PGBD5: variants seen among roughly 807,000 people sequenced by gnomAD.
The protein encoded by PGBD5 is piggyBac transposable element-derived protein 5.
In PGBD5, 14 loss-of-function variants were observed where a neutral mutation model predicts 47.9. That is an observed-to-expected ratio of 0.29 (90% confidence interval 0.19 to 0.46). The LOEUF is 0.46. Among genes scored for constraint, PGBD5 ranks in the 20% least tolerant of loss-of-function variants. PGBD5 has a pLI of 1.00. For synonymous variants in PGBD5, 316 were observed against 306.3 expected, an observed-to-expected ratio of 1.03 and a Z score of -0.33; for missense variants, 635 against 716.0, an observed-to-expected ratio of 0.89 and a Z score of 1.29.
intron 5 of PGBD5, among the ~76,000 whole-genome samples, chr1:230,329,316 A>C (rs902239137): frequency 1.4e-4 from 22 of 152,216 alleles, no homozygotes; most frequent in African/African-American, 5.1e-4. Context: ...TGTGACAAAA[A>C]GGTTCATGAT....
At chr1:230,340,059 G>A (rs1335662902) in intron 3 of PGBD5, among the ~76,000 whole-genome samples, 1 of 152,114 alleles carries the variant, frequency 6.6e-6, no homozygotes, top group Non-Finnish European at 1.5e-5. Flanking sequence ...GGCCATTTCA[G>A]TGTCTACATA....
chr1:230,387,887 G>A (rs1241152467), intron 1 of PGBD5, among the ~76,000 whole-genome samples: 2 of 152,168 alleles, frequency 1.3e-5, no homozygotes, highest in African/African-American at 2.4e-5. Context: ...GGAATACGCC[G>A]TAGGGTTACA....
At chr1:230,396,612 G>C (rs1656987229) in intron 1 of PGBD5, among the ~76,000 whole-genome samples, 1 of 128,726 alleles carries the variant, frequency 7.8e-6, no homozygotes, top group Admixed American at 9.2e-5. Flanking sequence ...CTGAACATGA[G>C]ACCACACTCA....
chr1:230,362,498 CTTCAT>C, intron 1 of PGBD5: 1 of 1,177,362 alleles, frequency 8.5e-7, no homozygotes. Context: ...GGGGCTCCAG[CTTCAT>C]GAAGCATCAC....
At chr1:230,326,587 G>A (rs1667121225) in intron 5 of PGBD5, among the ~76,000 whole-genome samples, 1 of 152,074 alleles carries the variant, frequency 6.6e-6, no homozygotes, top group South Asian at 2.1e-4. Flanking sequence ...GCCACCCAAG[G>A]AGCTGGGATC....
intron 5 of PGBD5, among the ~76,000 whole-genome samples, chr1:230,330,661 C>T (rs11810698): frequency 6.8e-4 from 103 of 152,314 alleles, no homozygotes; most frequent in African/African-American, 2.4e-3. Flanking sequence ...CCACCTGAAG[C>T]ACCCACCTGA....
chr1:230,355,437 C>A (rs892609113), intron 2 of PGBD5, among the ~76,000 whole-genome samples: 1 of 152,222 alleles, frequency 6.6e-6, no homozygotes, highest in Non-Finnish European at 1.5e-5. Flanking sequence ...AAATGTTTGA[C>A]CCCAGCATGG....
At chr1:230,388,478 C>T (rs1399406143) in intron 1 of PGBD5, among the ~76,000 whole-genome samples, 7 of 150,442 alleles carry the variant, frequency 4.7e-5, no homozygotes, top group East Asian at 3.9e-4. Context: ...TGCAGTGGCA[C>T]GATGTCAGCT....
intron 5 of PGBD5, among the ~76,000 whole-genome samples, chr1:230,331,406 A>G (rs1460006938): frequency 6.6e-6 from 1 of 152,122 alleles, no homozygotes; most frequent in African/African-American, 2.4e-5. Context: ...ACAGAGCAAC[A>G]CCCTGTCCCA....
chr1:230,335,918 CAG>C (rs1667317790), intron 4 of PGBD5, among the ~76,000 whole-genome samples: 1 of 151,448 alleles, frequency 6.6e-6, no homozygotes, highest in Non-Finnish European at 1.5e-5. Context: ...CACAAAGACA[CAG>C]ACACAGACAC....
At chr1:230,365,291 CGACA>C (rs1323470324) in intron 1 of PGBD5, among the ~76,000 whole-genome samples, 261 of 140,258 alleles carry the variant, frequency 1.9e-3, no homozygotes, top group Non-Finnish European at 2.8e-3. Context: ...CCAGCCTGGG[CGACA>C]GAAAGAGACT....
chr1:230,370,649 G>A (rs1667914695), intron 1 of PGBD5, among the ~76,000 whole-genome samples: 1 of 152,172 alleles, frequency 6.6e-6, no homozygotes. Flanking sequence ...CCTCTAATGA[G>A]GTCACAGAAC....
In PGBD5 at chr1:230,315,813, TGC is replaced by T. The variant is rs1666927673; in HGVS notation, c.*7610_*7611del. On this transcript the variant is annotated 3_prime_UTR_variant, in exon 7 of 7. Coordinates refer to ENST00000391860, the MANE Select transcript of PGBD5 (RefSeq NM_001258311.2). The stretch of plus-strand genomic sequence containing the variant: ...ATATATGTATACATATATGTATATG[TGC>T]ATACATATAGAGGTATACATATAGA... 1 of 134,364 alleles carries T rather than the reference TGC, an allele frequency of 7.4e-6. No homozygotes were observed. Among genetic ancestry groups the T allele is most frequent in the Non-Finnish European group, 1.7e-5 (1 of 60,340 alleles). 8.3% of individuals were successfully genotyped at this position (134,364 alleles called of 1,614,324 possible).
chr1:230,420,410 G>A (rs1370229941), intron 1 of PGBD5, among the ~76,000 whole-genome samples: 1 of 152,198 alleles, frequency 6.6e-6, no homozygotes, highest in East Asian at 1.9e-4. Context: ...GGAAAAGGAA[G>A]GTAATTTGAT....
At chr1:230,409,276 C>G (rs1657365666) in intron 1 of PGBD5, among the ~76,000 whole-genome samples, 1 of 152,182 alleles carries the variant, frequency 6.6e-6, no homozygotes. Context: ...TAAAATGGTA[C>G]AGTCACTTTG....
At chr1:230,340,113 T>C (rs1667388224) in intron 3 of PGBD5, among the ~76,000 whole-genome samples, 1 of 152,236 alleles carries the variant, frequency 6.6e-6, no homozygotes, top group South Asian at 2.1e-4. Context: ...TATTTTTATT[T>C]GTCAATTAAA....
chr1:230,331,632 T>C (rs1667217000), intron 5 of PGBD5, among the ~76,000 whole-genome samples: 2 of 151,940 alleles, frequency 1.3e-5, no homozygotes, highest in Admixed American at 6.6e-5. Context: ...CCTCTTCCTC[T>C]TTCTTCTTCG....
At position 230,323,772 on chromosome 1, in the gene PGBD5, G is replaced by T; in HGVS notation, c.1380-152C>A. 1.5e-6 allele frequency: 1 copy of T among 681,444 alleles called. No homozygotes were observed. Among genetic ancestry groups the T allele is most frequent in the Non-Finnish European group, 2.4e-6 (1 of 409,282 alleles). The allele number at this position is 681,444 out of a possible 1,614,324, so 42.2% of individuals were successfully genotyped here. A position where few individuals can be genotyped will look rare whatever the true frequency, so the allele number is the denominator to read the frequency against. ...CTATGGGGGCAGGAGTCAGGCTTGG[G>T]ATGTTAGGTGAGTTCCAGCTGGGGG... On this transcript the variant is annotated intron_variant, in intron 6 of 6. Coordinates refer to ENST00000391860, the MANE Select transcript of PGBD5 (RefSeq NM_001258311.2). The surrounding 1 kb of genome is among the most constrained non-coding windows in gnomAD (Gnocchi z 4.1).
At chr1:230,362,196 G>C in intron 1 of PGBD5, 1 of 1,311,070 alleles carries the variant, frequency 7.6e-7, no homozygotes. Context: ...ACGAGAGGGT[G>C]GGGGAGGATC....
Sources: gnomAD v4.1 joint callset for allele counts (sites outside exome capture counted in the v4.1 genomes callset) on GRCh38, gnomAD v4.1.1 for gene constraint, Gnocchi (gnomAD v3.1) non-coding constraint, MANE v1.5 for transcripts, NCBI Gene and HGNC (gene_info 2026-07-23, HGNC 2026-07-21) for gene names.